The following SPTLC3 variants were observed in gnomAD, a reference collection of about 807,000 sequenced individuals.
SPTLC3 encodes the protein serine palmitoyltransferase 3.
In SPTLC3, 36 loss-of-function variants were observed where a neutral mutation model predicts 59.3. The ratio of observed to expected loss-of-function variants is 0.61; its 90% CI spans 0.47 to 0.80. The LOEUF is 0.80. SPTLC3 is among the 30% of genes least tolerant of loss of function. The pLI, the probability that SPTLC3 is intolerant of heterozygous loss-of-function variation, is 0.00. For synonymous variants in SPTLC3, 257 were observed against 240.8 expected (o/e 1.07, Z -0.62); for missense variants, 625 against 685.1 (o/e 0.91, Z 0.98).
intron 1 of SPTLC3, among the ~76,000 whole-genome samples, chr20:13,021,002 A>G (rs1231435027): frequency 6.6e-6 from 1 of 152,198 alleles, no homozygotes; most frequent in African/African-American, 2.4e-5. Flanking sequence ...AATCAGTACG[A>G]TGCCCAGCAT....
intron 7 of SPTLC3, among the ~76,000 whole-genome samples, chr20:13,110,804 C>T (rs372023249): frequency 3.1e-4 from 47 of 152,216 alleles, no homozygotes; most frequent in African/African-American, 1.1e-3. Context: ...AGTGCCCAAT[C>T]CTGAATCAAT....
At chr20:13,059,858 T>C (rs756308232) in intron 2 of SPTLC3, among the ~76,000 whole-genome samples, 5 of 152,194 alleles carry the variant, frequency 3.3e-5, no homozygotes, top group Non-Finnish European at 7.3e-5. Context: ...CCATGGGCTT[T>C]GAAACGACCT....
At chr20:13,119,511 C>T (rs193175030) in intron 8 of SPTLC3, among the ~76,000 whole-genome samples, 45 of 152,302 alleles carry the variant, frequency 3.0e-4, no homozygotes, top group Middle Eastern at 3.4e-3. Context: ...CCATTATTTA[C>T]ATTAATCGGG....
chr20:13,034,387 C>A (rs1353613528), intron 1 of SPTLC3, among the ~76,000 whole-genome samples: 1 of 152,118 alleles, frequency 6.6e-6, no homozygotes, highest in East Asian at 1.9e-4. Flanking sequence ...CTGCTACATC[C>A]TAGCTTTTGA....
At chr20:13,064,789 A>G (rs2749391) in intron 2 of SPTLC3, among the ~76,000 whole-genome samples, 115,166 of 152,142 alleles carry the variant, frequency 0.76, 44,163 homozygotes, top group African/African-American at 0.88. Flanking sequence ...TTTGGAAAAT[A>G]TGATGTCTTC....
intron 10 of SPTLC3, among the ~76,000 whole-genome samples, chr20:13,157,941 G>T (rs2038812196): frequency 6.6e-6 from 1 of 152,160 alleles, no homozygotes; most frequent in Non-Finnish European, 1.5e-5. Flanking sequence ...TTCCTACTAT[G>T]CAGAATGAAA....
intron 9 of SPTLC3, among the ~76,000 whole-genome samples, chr20:13,152,780 G>C (rs902873007): frequency 1.3e-5 from 2 of 152,166 alleles, no homozygotes; most frequent in Admixed American, 6.5e-5. Context: ...TTCTCTGGAG[G>C]AGGATGCTGA....
At chr20:13,155,015 T>C (rs2038734745) in intron 10 of SPTLC3, among the ~76,000 whole-genome samples, 1 of 152,046 alleles carries the variant, frequency 6.6e-6, no homozygotes, top group Admixed American at 6.5e-5. Flanking sequence ...ACCCTGTCTC[T>C]ACTAAAAATA....
chr20:13,120,299 G>T (rs966501114), intron 8 of SPTLC3, among the ~76,000 whole-genome samples: 2 of 152,248 alleles, frequency 1.3e-5, no homozygotes, highest in East Asian at 1.9e-4. Flanking sequence ...CAAATTCGGG[G>T]ATTATTGCAA....
At position 13,167,256 on chromosome 20, in the gene SPTLC3, T is replaced by A. The variant is rs1320737734; in HGVS notation, c.*2389T>A. The A allele has an allele frequency of 6.6e-6, 1 of 152,216 alleles. No homozygotes were observed. The highest frequency in any genetic ancestry group is 1.5e-5 in the Non-Finnish European group (1 of 68,044). The allele number at this position is 152,216 out of a possible 1,614,324, so 9.4% of individuals were successfully genotyped here. On this transcript the variant is annotated 3_prime_UTR_variant, in exon 12 of 12. Transcript: ENST00000399002. ...AGGCTAATAAGTTCATGATTTTAAT[T>A]CATGATTTTAATTCATGATTAAAAT...
chr20:13,095,527 A>T (rs1989381060), intron 6 of SPTLC3, among the ~76,000 whole-genome samples: 1 of 152,204 alleles, frequency 6.6e-6, no homozygotes. Flanking sequence ...TAAATGACCA[A>T]CTGGGAGACT....
chr20:13,011,525 C>T (rs1029364872), intron 1 of SPTLC3, among the ~76,000 whole-genome samples: 2 of 152,276 alleles, frequency 1.3e-5, no homozygotes, highest in East Asian at 1.9e-4. Flanking sequence ...ACAAAGGGTT[C>T]CCTGGCATAA....
Position 13,019,130 on chromosome 20 carries a change from G to T in SPTLC3, c.117+9746G>T, listed in dbSNP as rs528555096. ...CCTAGAGGAGCTAGCAGGGCCTTGT[G>T]TAGGACAGTAGGAGATGGTAAGAAT... On this transcript the variant is annotated intron_variant, in intron 1 of 11. Transcript: ENST00000399002. Among the ~76,000 whole-genome samples, 7 of 152,306 alleles carry T rather than the reference G, an allele frequency of 4.6e-5. No homozygotes were observed. In the South Asian group the frequency reaches 1.5e-3, roughly 32 times the overall value.
rs1600270478 is a variant in SPTLC3 at position 13,091,649 on chromosome 20, T to A, written c.732+442T>A. On this transcript the variant is annotated intron_variant, in intron 5 of 11. Transcript: ENST00000399002. Reference sequence around the variant, plus strand: ...AGGAGAAACTGATTGGATATTGGTATTTTTGAATAAGTATGCCAGCTTAGT... The same window carrying A: ...AGGAGAAACTGATTGGATATTGGTAATTTTGAATAAGTATGCCAGCTTAGT... 1.3e-5 allele frequency among the ~76,000 whole-genome samples: 2 copies of A among 152,214 alleles called. 1 individual carries two copies. Among genetic ancestry groups the A allele is most frequent in the South Asian group, 4.2e-4 (2 of 4,816 alleles).
intron 1 of SPTLC3, among the ~76,000 whole-genome samples, chr20:13,026,996 T>C (rs540440499): frequency 1.3e-5 from 2 of 152,222 alleles, no homozygotes; most frequent in African/African-American, 4.8e-5. Context: ...AGATAATTCT[T>C]AGGTGTGTTC....
chr20:13,096,888 T>G (rs1169130115), intron 6 of SPTLC3, among the ~76,000 whole-genome samples: 1 of 152,150 alleles, frequency 6.6e-6, no homozygotes, highest in Admixed American at 6.6e-5. Flanking sequence ...ATCCTACAGC[T>G]TATTAGACTG....
chr20:13,162,598 C>T (rs559617921), intron 11 of SPTLC3, among the ~76,000 whole-genome samples: 24 of 152,308 alleles, frequency 1.6e-4, no homozygotes, highest in Middle Eastern at 3.4e-3. Context: ...ATGCACTCTG[C>T]GACCACATTT....
intron 11 of SPTLC3, 34 bp downstream of exon 11, chr20:13,160,166 C>G: frequency 6.3e-7 from 1 of 1,583,714 alleles, no homozygotes; most frequent in South Asian, 1.2e-5. Flanking sequence ...GATCTCAGTA[C>G]CAGTACCTTG....
Position 13,071,726 on chromosome 20 carries a change from A to G in SPTLC3, c.304-530A>G, listed in dbSNP as rs1224067912. ...TGGATTACACTTTATACAGCAACTCAGCGTTCTTACCTCAGCTGTGAGAGA... is the reference window on the plus strand; with the variant it reads ...TGGATTACACTTTATACAGCAACTCGGCGTTCTTACCTCAGCTGTGAGAGA... On this transcript the variant is annotated intron_variant, in intron 2 of 11. Transcript: ENST00000399002. Among the ~76,000 whole-genome samples the G allele has an allele frequency of 2.6e-5, 4 of 152,274 alleles. No individual in the cohort carries two copies. The East Asian group carries it at 7.7e-4, about 29-fold the overall frequency.
Sources: gnomAD v4.1 joint callset for allele counts (sites outside exome capture counted in the v4.1 genomes callset) on GRCh38, gnomAD v4.1.1 for gene constraint, MANE v1.5 for transcripts, NCBI Gene and HGNC (gene_info 2026-07-23, HGNC 2026-07-21) for gene names.